PARP15: variants seen among roughly 807,000 people sequenced by gnomAD.
The protein encoded by PARP15 is poly(ADP-ribose) polymerase family member 15, also known as protein mono-ADP-ribosyltransferase PARP15.
Under a neutral mutation model 62.1 loss-of-function variants are expected in PARP15, and 50 were observed. The ratio of observed to expected loss-of-function variants is 0.81; its 90% CI spans 0.64 to 1.02. The LOEUF (loss-of-function observed/expected upper bound fraction) is 1.02, where lower values mean the gene tolerates loss of function less well. Ranked by LOEUF, PARP15 falls within the 50% of genes least tolerant of loss-of-function variation. The pLI is 0.00. For synonymous variants in PARP15, 309 were observed against 293.1 expected (o/e 1.05, Z -0.55); for missense variants, 820 against 826.5 (o/e 0.99, Z 0.10).
rs893005393 is a variant in PARP15 at position 122,617,040 on chromosome 3, T to C, written c.876T>C (p.Pro292=). ...GTGTGGTCGGGACTGTCTCTAAGCC[T>C]TGTTTCACAGCATATGAAATGAAAA... ...TQGVVGTVSK[P]CFTAYEMKIG... is the part of the protein sequence containing the mutation. The change falls in exon 6 of 12, where the codon CCT becomes CCC. Residue 292 remains proline (P), a synonymous_variant. Transcript: ENST00000464300. 4 of 1,614,200 alleles carry C rather than the reference T, an allele frequency of 2.5e-6. No homozygotes were observed. Among genetic ancestry groups the C allele is most frequent in the Middle Eastern group, 1.6e-4 (1 of 6,062 alleles).
chr3:122,583,799 T>A (rs776756971), intron 1 of PARP15, among the ~76,000 whole-genome samples: 1 of 152,200 alleles, frequency 6.6e-6, no homozygotes, highest in Non-Finnish European at 1.5e-5. Flanking sequence ...GGCACTATTC[T>A]TAGCTCTTTT....
intron 2 of PARP15, among the ~76,000 whole-genome samples, chr3:122,610,011 T>C (rs369465123): frequency 5.9e-5 from 9 of 152,318 alleles, no homozygotes; most frequent in Admixed American, 2.0e-4. Context: ...ATTGACCTAG[T>C]CTTTCTTTTG....
At chr3:122,614,721 C>G (rs1935822798) in intron 4 of PARP15, among the ~76,000 whole-genome samples, 1 of 152,112 alleles carries the variant, frequency 6.6e-6, no homozygotes, top group South Asian at 2.1e-4. Context: ...CCCCAAATTT[C>G]ATTGTTAACC....
At chr3:122,616,649 C>A (rs1935992032) in intron 5 of PARP15, among the ~76,000 whole-genome samples, 1 of 151,950 alleles carries the variant, frequency 6.6e-6, no homozygotes, top group Non-Finnish European at 1.5e-5. Context: ...AATAAAAGAC[C>A]CTCCTAGCAG....
intron 6 of PARP15, among the ~76,000 whole-genome samples, chr3:122,617,807 C>T (rs1936083868): frequency 6.6e-6 from 1 of 152,196 alleles, no homozygotes; most frequent in Admixed American, 6.5e-5. Flanking sequence ...TGGCTCACTG[C>T]AACCTCTGCC....
intron 1 of PARP15, among the ~76,000 whole-genome samples, chr3:122,595,170 T>C (rs555940011): frequency 6.6e-5 from 9 of 136,446 alleles, no homozygotes; most frequent in African/African-American, 2.1e-4. Flanking sequence ...AAAGGAATTG[T>C]TTTTTTTTTC....
At chr3:122,614,399 G>A (rs917660727) in intron 4 of PARP15, among the ~76,000 whole-genome samples, 2 of 152,156 alleles carry the variant, frequency 1.3e-5, no homozygotes, top group Admixed American at 1.3e-4. Context: ...GGATGGAAGT[G>A]TGGTCTTTCC....
chr3:122,592,676 C>T (rs79229354), intron 1 of PARP15, among the ~76,000 whole-genome samples: 2,107 of 151,318 alleles, frequency 0.014, 25 homozygotes, highest in Non-Finnish European at 0.02. Flanking sequence ...CAAGCATGCA[C>T]ATAGCACTGT....
chr3:122,594,639 T>C, intron 1 of PARP15: 3 of 917,378 alleles, frequency 3.3e-6, no homozygotes, highest in Non-Finnish European at 3.9e-6. Context: ...AATTAGCATC[T>C]AATTTTAATT....
At chr3:122,600,792 C>CT (rs61033541) in intron 1 of PARP15, among the ~76,000 whole-genome samples, 9,203 of 143,976 alleles carry the variant, frequency 0.064, 711 homozygotes, top group African/African-American at 0.18. Context: ...TCATTATTAC[C>CT]TTTTTTTTTT....
Position 122,577,720 on chromosome 3 carries a change from C to T in PARP15, c.53C>T (p.Thr18Ile). The T allele has an allele frequency of 6.4e-7, 1 of 1,551,696 alleles. No homozygotes were observed. Among genetic ancestry groups the T allele is most frequent in the Middle Eastern group, 1.7e-4 (1 of 5,992 alleles). ...PAAALSPGAP[T>I]PRELMHGVAG... ...GCTGCTCTGAGTCCAGGGGCTCCGA[C>T]CCCCAGAGAACTTATGCACGGAGTT... is the stretch of plus-strand genomic sequence containing the variant. Residue 18 changes from threonine to isoleucine, a missense_variant, in exon 1 of 12, where the codon ACC becomes ATC. By Grantham distance (89) the Thr-to-Ile change is moderately conservative. Around this residue, in one of 3 missense-constraint regions of PARP15, gnomAD observed 731 missense variants for 727.7 expected, o/e 1.00. Transcript: ENST00000464300.
chr3:122,609,864 C>T (rs751923541), intron 2 of PARP15, among the ~76,000 whole-genome samples: 4 of 152,134 alleles, frequency 2.6e-5, no homozygotes, highest in Non-Finnish European at 5.9e-5. Flanking sequence ...ATGACCCTCA[C>T]TTCACCAAAG....
intron 1 of PARP15, among the ~76,000 whole-genome samples, chr3:122,580,005 A>ATATATATG (rs2080768654): frequency 1.2e-5 from 1 of 82,188 alleles, no homozygotes; most frequent in Non-Finnish European, 2.7e-5. Flanking sequence ...ATATGTATAT[A>ATATATATG]TATATATATA....
Position 122,638,392 on chromosome 3 carries a change from T to A in PARP15, c.*2292T>A, listed in dbSNP as rs916217455. The stretch of plus-strand genomic sequence containing the variant: ...ATCGCCACACTGACTTCCACAATGG[T>A]TGAACTAGTTTACAGTCCCACCAAC... On this transcript the variant is annotated 3_prime_UTR_variant, in exon 12 of 12. Transcript: ENST00000464300. The A allele has an allele frequency of 1.3e-5, 2 of 152,194 alleles. No individual in the cohort carries two copies. The highest frequency in any genetic ancestry group is 2.9e-5 in the Non-Finnish European group (2 of 68,040). 9.4% of individuals were successfully genotyped at this position (152,194 alleles called of 1,614,324 possible). A position where few individuals can be genotyped will look rare whatever the true frequency, so the allele number is the denominator to read the frequency against.
chr3:122,614,072 AG>A (rs1935773420), intron 4 of PARP15, among the ~76,000 whole-genome samples: 1 of 152,044 alleles, frequency 6.6e-6, no homozygotes, highest in African/African-American at 2.4e-5. Context: ...TCCTGACCTC[AG>A]GTGATCCACC....
chr3:122,634,417 C>G (rs1296160449), intron 10 of PARP15, among the ~76,000 whole-genome samples: 1 of 152,098 alleles, frequency 6.6e-6, no homozygotes, highest in African/African-American at 2.4e-5. Context: ...AACTCCATTT[C>G]CTAGGAGGAA....
rs1337929658 is a variant in PARP15 at position 122,605,990 on chromosome 3, G to A, written c.241G>A (p.Ala81Thr). 6.4e-7 allele frequency: 1 copy of A among 1,551,934 alleles called. No individual in the cohort carries two copies. The change falls in exon 2 of 12, where the codon GCT becomes ACT. Residue 81 changes from alanine (A) to threonine (T), a missense_variant. Ala to Thr is a moderately conservative substitution (Grantham distance 58). Transcript: ENST00000464300. ...KDCLSIRNVV[A>T]SIQTKEGLNL... ...TTGTCTTTCAATCAGGAATGTTGTA[G>A]CTTCAATCCAAACCAAAGAAGGTCT... is the stretch of plus-strand genomic sequence containing the variant.
chr3:122,614,352 T>G (rs1935796199), intron 4 of PARP15, among the ~76,000 whole-genome samples: 1 of 152,156 alleles, frequency 6.6e-6, no homozygotes, highest in Admixed American at 6.5e-5. Flanking sequence ...CAAAGATAAT[T>G]TTGTTTTTTA....
intron 1 of PARP15, among the ~76,000 whole-genome samples, chr3:122,603,853 G>C (rs1189863812): frequency 6.6e-6 from 1 of 152,094 alleles, no homozygotes; most frequent in Non-Finnish European, 1.5e-5. Flanking sequence ...AATAATCAAA[G>C]ACAATTTTAA....
Sources: gnomAD v4.1 joint callset for allele counts (sites outside exome capture counted in the v4.1 genomes callset) on GRCh38, gnomAD v4.1.1 for gene constraint, gnomAD v4.1.1 regional missense constraint, MANE v1.5 for transcripts, NCBI Gene and HGNC (gene_info 2026-07-23, HGNC 2026-07-21) for gene names.